LAMA3: variants seen among roughly 807,000 people sequenced by gnomAD.
The protein encoded by LAMA3 is laminin subunit alpha 3.
A neutral mutation model predicts 402.0 loss-of-function variants in LAMA3; 281 were observed. The observed-to-expected ratio is 0.70, with a 90% CI of 0.63 to 0.77. The LOEUF (loss-of-function observed/expected upper bound fraction) is 0.77. Among genes scored for constraint, LAMA3 ranks in the 30% least tolerant of loss-of-function variants. LAMA3 has a pLI of 0.00. For synonymous variants in LAMA3, 1,431 were observed against 1,558.4 expected, an observed-to-expected ratio of 0.92 and a Z score of 1.93; for missense variants, 3,840 against 4,215.5, an observed-to-expected ratio of 0.91 and a Z score of 2.47.
chr18:23,765,211 T>A (rs1019530848), intron 8 of LAMA3, among the ~76,000 whole-genome samples: 1 of 152,208 alleles, frequency 6.6e-6, no homozygotes, highest in Non-Finnish European at 1.5e-5. Flanking sequence ...CTGTGTTCTC[T>A]GAGGAACCAG....
intron 50 of LAMA3, among the ~76,000 whole-genome samples, chr18:23,904,317 T>C (rs2081169866): frequency 6.6e-6 from 1 of 152,086 alleles, no homozygotes; most frequent in South Asian, 2.1e-4. Flanking sequence ...TCACCTCAGG[T>C]ATCCACTTAC....
intron 39 of LAMA3, among the ~76,000 whole-genome samples, chr18:23,880,152 T>A (rs560735373): frequency 1.3e-5 from 2 of 152,182 alleles, no homozygotes; most frequent in East Asian, 3.9e-4. Flanking sequence ...GTGAGAGGAC[T>A]CCTCTGTGGA....
intron 12 of LAMA3, among the ~76,000 whole-genome samples, chr18:23,801,742 C>T (rs574534388): frequency 4.6e-5 from 7 of 152,302 alleles, no homozygotes; most frequent in Middle Eastern, 3.4e-3. Context: ...GCCATTCTAA[C>T]GGAGATGATA....
At chr18:23,897,992 T>C (rs1454774850) in intron 44 of LAMA3, among the ~76,000 whole-genome samples, 1 of 152,182 alleles carries the variant, frequency 6.6e-6, no homozygotes, top group African/African-American at 2.4e-5. Context: ...AAGCCTGTAT[T>C]CTTTTACCCA....
At chr18:23,747,876 A>G in intron 2 of LAMA3, 67 bp from the exon 3 acceptor site, 1 of 935,918 alleles carries the variant, frequency 1.1e-6, no homozygotes. Context: ...TCAGCATCAC[A>G]TAGAGATGGT....
In LAMA3 at chr18:23,819,880, G is replaced by T; in HGVS notation, c.2187G>T (p.Met729Ile). Residue 729 changes from methionine to isoleucine, a missense_variant, in exon 19 of 75, where the codon ATG becomes ATT. Met to Ile is a conservative substitution (Grantham distance 10). This residue lies in a region of LAMA3 where 2,109 missense variants were observed against 2,376.0 expected (regional missense o/e 0.89). Transcript: ENST00000313654. Reference sequence around the variant, plus strand: ...ACTATTTCCCAGATTTGCATCATATGAAGTATGAGATTGAAGACGGCAGCA... The same window carrying T: ...ACTATTTCCCAGATTTGCATCATATTAAGTATGAGATTGAAGACGGCAGCA... ...NNYYFPDLHH[M>I]KYEIEDGSTP... 1.2e-6 allele frequency: 2 copies of T among 1,614,014 alleles called. No individual in the cohort carries two copies. Among genetic ancestry groups the T allele is most frequent in the Non-Finnish European group, 1.7e-6 (2 of 1,179,888 alleles).
chr18:23,690,157 C>A (rs2060554048), intron 1 of LAMA3, among the ~76,000 whole-genome samples, 180 bp downstream of exon 1: 1 of 152,156 alleles, frequency 6.6e-6, no homozygotes, highest in Admixed American at 6.5e-5. Context: ...GTGGAAGCAC[C>A]GCACCGGCAC....
intron 1 of LAMA3, among the ~76,000 whole-genome samples, chr18:23,711,697 C>T (rs867083760): frequency 6.6e-6 from 1 of 152,194 alleles, no homozygotes; most frequent in South Asian, 2.1e-4. Flanking sequence ...ATTCCACTCT[C>T]TTTCCTCATC....
At chr18:23,882,326 C>T (rs1012699218) in intron 40 of LAMA3, among the ~76,000 whole-genome samples, 5 of 152,108 alleles carry the variant, frequency 3.3e-5, no homozygotes, top group South Asian at 2.1e-4. Context: ...ACAAACACGA[C>T]ATACAAGAAA....
chr18:23,907,781 T>C lies in LAMA3; in HGVS notation c.6861T>C (p.Ser2287=), dbSNP rs1191594477. Residue 2287 remains serine (S), a synonymous_variant, in exon 54 of 75, where the codon AGT becomes AGC. Transcript: ENST00000313654. ...QRGDIDAMIS[S]AKSMVRKAND... is the part of the protein sequence containing the mutation. ...GTGATATTGATGCTATGATCAGTAG[T>C]GCAAAGAGCATGGTCAGAAAGGCCA... is the stretch of plus-strand genomic sequence containing the variant. The C allele has an allele frequency of 1.2e-6, 2 of 1,614,202 alleles. No homozygotes were observed. The highest frequency in any genetic ancestry group is 1.1e-5 in the South Asian group (1 of 91,090).
At chr18:23,781,428 T>C (rs1281891470) in intron 11 of LAMA3, 1 of 342,206 alleles carries the variant, frequency 2.9e-6, no homozygotes, top group African/African-American at 2.2e-5. Flanking sequence ...TAAATGAACC[T>C]AAGACAGATT....
intron 44 of LAMA3, among the ~76,000 whole-genome samples, chr18:23,896,465 C>T (rs182851797): frequency 1.3e-5 from 2 of 152,328 alleles, no homozygotes; most frequent in East Asian, 1.9e-4. Context: ...TCAGAGAACA[C>T]GCTTTCCATG....
intron 9 of LAMA3, 42 bp from the exon 10 acceptor site, chr18:23,775,750 G>T (rs1598767374): frequency 2.5e-6 from 4 of 1,612,336 alleles, no homozygotes; most frequent in African/African-American, 1.3e-5. Context: ...TTTGTTAAGT[G>T]CAGTGAAGGA....
Position 23,915,343 on chromosome 18 carries a change from C to A in LAMA3, c.7699C>A (p.Leu2567Ile). 1 of 1,612,858 alleles carries A rather than the reference C, an allele frequency of 6.2e-7. No individual in the cohort carries two copies. The highest frequency in any genetic ancestry group is 1.7e-5 in the Admixed American group (1 of 60,016). Residue 2567 changes from leucine (L) to isoleucine (I), a missense_variant, in exon 59 of 75, where the codon CTC becomes ATC. By Grantham distance (5) the Leu-to-Ile change is conservative. Around this residue, in one of 3 missense-constraint regions of LAMA3, gnomAD observed 840 missense variants for 981.9 expected, o/e 0.86. Coordinates refer to ENST00000313654, the MANE Select transcript of LAMA3 (RefSeq NM_198129.4). ...CAAAGGTTGTATTGAATTAGATGAC[C>A]TCAATGAAAATGTTCTGAGCTTGTA... Reference protein sequence around the residue: ...PYKGCIELDDLNENVLSLYNF... With the variant: ...PYKGCIELDDINENVLSLYNF...
chr18:23,841,691 G>A (rs957456992), intron 27 of LAMA3, among the ~76,000 whole-genome samples: 2 of 152,214 alleles, frequency 1.3e-5, no homozygotes, highest in East Asian at 3.8e-4. Flanking sequence ...GGGAGGCCAA[G>A]GCGGCAGTAT....
At chr18:23,893,370 CA>C (rs1316519348) in intron 42 of LAMA3, among the ~76,000 whole-genome samples, 3 of 152,096 alleles carry the variant, frequency 2.0e-5, no homozygotes, top group Admixed American at 6.6e-5. Context: ...CTGAGAACCT[CA>C]AAACTCAGCT....
chr18:23,848,108 T>C (rs1236128518), intron 32 of LAMA3, among the ~76,000 whole-genome samples: 1 of 152,128 alleles, frequency 6.6e-6, no homozygotes, highest in East Asian at 1.9e-4. Flanking sequence ...GTGGTTAAGG[T>C]CAATGTGTGA....
At chr18:23,912,679 G>A in intron 55 of LAMA3, 32 bp from the exon 56 acceptor site, 1 of 1,594,782 alleles carries the variant, frequency 6.3e-7, no homozygotes, top group Non-Finnish European at 8.6e-7. Flanking sequence ...TCACAGGACA[G>A]TGTTTGACAC....
chr18:23,763,460 G>C lies in LAMA3; in HGVS notation c.1119G>C (p.Arg373=), dbSNP rs1443163284. 6.2e-7 allele frequency: 1 copy of C among 1,614,024 alleles called. No homozygotes were observed. Among genetic ancestry groups the C allele is most frequent in the Non-Finnish European group, 8.5e-7 (1 of 1,179,924 alleles). ...GTTACTATGATCCAGATGTTGAGCG[G>C]CAGCAGGCAAGCTTGAATACCCAGG... The part of the protein sequence containing the change: ...SNCYYDPDVE[R]QQASLNTQGI... Residue 373 remains arginine (R), a synonymous_variant, in exon 8 of 75, where the codon CGG becomes CGC. Transcript: ENST00000313654.
Sources: allele counts gnomAD v4.1 joint callset (sites outside exome capture counted in the v4.1 genomes callset), GRCh38; gene constraint gnomAD v4.1.1; regional missense constraint gnomAD v4.1.1; transcripts MANE v1.5; gene names NCBI Gene and HGNC (gene_info 2026-07-23, HGNC 2026-07-21).